ZNF609: variants seen among roughly 807,000 people sequenced by gnomAD.
ZNF609 encodes zinc finger protein 609.
Under a neutral mutation model 109.5 loss-of-function variants are expected in ZNF609, and 11 were observed. The ratio of observed to expected loss-of-function variants is 0.10; its 90% confidence interval spans 0.06 to 0.17. The LOEUF is 0.17. Among genes scored for constraint, ZNF609 ranks in the 10% least tolerant of loss-of-function variants. The pLI is 1.00. For missense variants in ZNF609, 1,559 were observed against 1,772.4 expected (o/e 0.88, Z 2.16); for synonymous variants, 646 against 662.0 (o/e 0.98, Z 0.37).
At chr15:64,581,216 T>A (rs1332355943) in intron 2 of ZNF609, among the ~76,000 whole-genome samples, 1 of 152,048 alleles carries the variant, frequency 6.6e-6, no homozygotes, top group Non-Finnish European at 1.5e-5. Flanking sequence ...TGTGCAGAGC[T>A]TCAAGGTCAA....
intron 7 of ZNF609, 56 bp downstream of exon 7, chr15:64,680,416 A>AG (rs1412055588): frequency 6.3e-7 from 1 of 1,586,540 alleles, no homozygotes; most frequent in East Asian, 2.2e-5. Flanking sequence ...GGCCAGATCC[A>AG]GGGTCTGGGA....
At chr15:64,616,396 T>C (rs564024817) in intron 2 of ZNF609, among the ~76,000 whole-genome samples, 10 of 152,116 alleles carry the variant, frequency 6.6e-5, no homozygotes, top group Non-Finnish European at 1.5e-4. Context: ...TATATAGTTA[T>C]AATTACTCTT....
Position 64,529,723 on chromosome 15 carries a change from G to T in ZNF609, c.747+29557G>T, listed in dbSNP as rs114454635. 4.4e-3 allele frequency: 2,823 copies of T among 640,398 alleles called. 45 individuals carry two copies. The African/African-American group carries it at 0.046, about 10-fold the overall frequency. The allele number at this position is 640,398 out of a possible 1,614,324, so 39.7% of individuals were successfully genotyped here. ...GCGAGAGAATATGTGGCTGTCTGTC[G>T]AACAGGAGGAGCAGAGACTTTTTTG... On this transcript the variant is annotated intron_variant, in intron 2 of 9. Transcript: ENST00000326648.
intron 1 of ZNF609, among the ~76,000 whole-genome samples, chr15:64,461,420 C>T (rs1344212121): frequency 6.6e-6 from 1 of 151,962 alleles, no homozygotes; most frequent in Non-Finnish European, 1.5e-5. Flanking sequence ...ACCTCAACTG[C>T]TATCCTTGTA....
At chr15:64,618,038 A>G (rs1895825921) in intron 2 of ZNF609, among the ~76,000 whole-genome samples, 1 of 151,996 alleles carries the variant, frequency 6.6e-6, no homozygotes, top group Admixed American at 6.6e-5. Flanking sequence ...CCTATACCTT[A>G]TTTTCCCTCT....
intron 2 of ZNF609, among the ~76,000 whole-genome samples, chr15:64,550,840 A>G (rs1476440373): frequency 4.0e-4 from 36 of 89,392 alleles, no homozygotes; most frequent in Admixed American, 2.1e-3. Context: ...CTGTCTCGGG[A>G]AAAAAAAAAA....
At chr15:64,469,498 A>T (rs1436809737) in intron 1 of ZNF609, among the ~76,000 whole-genome samples, 2 of 148,672 alleles carry the variant, frequency 1.3e-5, no homozygotes, top group Non-Finnish European at 3.0e-5. Flanking sequence ...ATAAGTGAGC[A>T]TCTTTTTTTT....
At chr15:64,488,343 A>G (rs1352093374) in intron 1 of ZNF609, among the ~76,000 whole-genome samples, 1 of 152,234 alleles carries the variant, frequency 6.6e-6, no homozygotes, top group Non-Finnish European at 1.5e-5. Context: ...TGAGGAGAAC[A>G]GTGTTCATTC....
intron 2 of ZNF609, among the ~76,000 whole-genome samples, chr15:64,604,286 G>T (rs972564709): frequency 6.6e-6 from 1 of 152,162 alleles, no homozygotes; most frequent in Non-Finnish European, 1.5e-5. Context: ...CTAAAGCAAG[G>T]CTTGCTAAAC....
intron 1 of ZNF609, among the ~76,000 whole-genome samples, chr15:64,492,392 T>TA (rs972033896): frequency 6.6e-6 from 1 of 152,002 alleles, no homozygotes; most frequent in Non-Finnish European, 1.5e-5. Context: ...ATTTAATTTG[T>TA]AAAAAAAAAT....
At position 64,680,703 on chromosome 15, in the gene ZNF609, G is replaced by C. The variant is rs781021138; in HGVS notation, c.4003G>C (p.Gly1335Arg). The change falls in exon 8 of 10, where the codon GGT becomes CGT. Residue 1335 changes from glycine (G) to arginine (R), a missense_variant. Coordinates refer to ENST00000326648, the MANE Select transcript of ZNF609 (RefSeq NM_015042.2). ...AGGAGGCTGTGGGGTGGTTGGGGGT[G>C]GTGGCAGCTGTAGCAGCGTCGGGGG... Reference protein sequence around the residue: ...DRGGCGVVGGGGSCSSVGGAS... With the variant: ...DRGGCGVVGGRGSCSSVGGAS... 6.2e-7 allele frequency: 1 copy of C among 1,612,840 alleles called. No homozygotes were observed. The highest frequency in any genetic ancestry group is 1.7e-5 in the Admixed American group (1 of 59,936).
In ZNF609 at chr15:64,605,735, C is replaced by CT. The variant is rs750562675; in HGVS notation, c.748-17076dup. Reference sequence around the variant, plus strand: ...CTGAGATTTTTTTTTCTTTTTCTTTCTTTTTTTTTTTTTTTTGAGACGGAG... The same window carrying CT: ...CTGAGATTTTTTTTTCTTTTTCTTTCTTTTTTTTTTTTTTTTTGAGACGGAG... On this transcript the variant is annotated intron_variant, in intron 2 of 9. Transcript: ENST00000326648. Among the ~76,000 whole-genome samples the CT allele has an allele frequency of 8.1e-3, 1,083 of 134,188 alleles. 10 individuals carry two copies. The highest frequency in any genetic ancestry group is 0.012 in the Non-Finnish European group (724 of 61,900). The allele number at this position is 134,188 out of a possible 152,430, so 88.0% of individuals were successfully genotyped here. A position where few individuals can be genotyped will look rare whatever the true frequency, so the allele number is the denominator to read the frequency against.
intron 1 of ZNF609, among the ~76,000 whole-genome samples, chr15:64,491,904 T>C (rs1355235614): frequency 1.3e-5 from 2 of 151,866 alleles, no homozygotes; most frequent in African/African-American, 4.8e-5. Context: ...GAGGGATTTC[T>C]GAAGCAAGAT....
At chr15:64,488,232 GCTGA>G (rs1472120550) in intron 1 of ZNF609, among the ~76,000 whole-genome samples, 1 of 152,166 alleles carries the variant, frequency 6.6e-6, no homozygotes, top group African/African-American at 2.4e-5. Context: ...AGATTTGACA[GCTGA>G]CTGCTAATTG....
At chr15:64,591,089 TTTGGGAGGCTGAGC>T (rs750613534) in intron 2 of ZNF609, among the ~76,000 whole-genome samples, 2 of 152,096 alleles carry the variant, frequency 1.3e-5, no homozygotes, top group Non-Finnish European at 2.9e-5. Context: ...ATCCCAGCAC[TTTGGGAGGCTGAGC>T]TTGGGAGGAT....
At chr15:64,550,270 AG>A (rs1200497083) in intron 2 of ZNF609, among the ~76,000 whole-genome samples, 1 of 152,118 alleles carries the variant, frequency 6.6e-6, no homozygotes, top group Non-Finnish European at 1.5e-5. Context: ...TCTTCTTTGT[AG>A]AAATATCTAT....
At chr15:64,554,754 T>C (rs1203928214) in intron 2 of ZNF609, among the ~76,000 whole-genome samples, 1 of 152,130 alleles carries the variant, frequency 6.6e-6, no homozygotes, top group Non-Finnish European at 1.5e-5. Context: ...CACTTGATCA[T>C]GATTTATTAA....
intron 1 of ZNF609, among the ~76,000 whole-genome samples, chr15:64,481,363 C>T (rs1448193058): frequency 6.8e-6 from 1 of 147,196 alleles, no homozygotes; most frequent in Non-Finnish European, 1.5e-5. Flanking sequence ...TCTTGTTGCC[C>T]AGGCTGGAGT....
At chr15:64,632,951 T>C (rs960491945) in intron 3 of ZNF609, among the ~76,000 whole-genome samples, 1 of 151,728 alleles carries the variant, frequency 6.6e-6, no homozygotes, top group Non-Finnish European at 1.5e-5. Flanking sequence ...TTTTTTTGTT[T>C]TAATTTTTTT....
Sources: gnomAD v4.1 joint callset for allele counts (sites outside exome capture counted in the v4.1 genomes callset) on GRCh38, gnomAD v4.1.1 for gene constraint, MANE v1.5 for transcripts, NCBI Gene and HGNC (gene_info 2026-07-23, HGNC 2026-07-21) for gene names.